Variants in NRG4 observed in about 807,000 individuals in gnomAD.
NRG4 encodes the protein pro-neuregulin-4, membrane-bound isoform.
In NRG4, 10 loss-of-function variants were observed where a neutral mutation model predicts 15.0. The observed-to-expected ratio is 0.67, with a 90% CI of 0.41 to 1.13. The LOEUF (loss-of-function observed/expected upper bound fraction) is 1.13. Among genes scored for constraint, NRG4 ranks in the 50% most tolerant of loss-of-function variants. The probability of loss-of-function intolerance (pLI) is 0.00; values close to 1 mark genes in which losing one functional copy is unlikely to be tolerated. For synonymous variants in NRG4, 41 were observed against 50.1 expected (o/e 0.82, Z 0.77); for missense variants, 139 against 140.2 (o/e 0.99, Z 0.04).
chr15:76,021,941 T>G (rs2035166854), intron 5 of NRG4, among the ~76,000 whole-genome samples: 1 of 152,246 alleles, frequency 6.6e-6, no homozygotes, highest in African/African-American at 2.4e-5. Flanking sequence ...GAAATTATTC[T>G]ACCTCAGGTC....
At chr15:75,962,562 C>T (rs1424576029) in intron 3 of NRG4, among the ~76,000 whole-genome samples, 2 of 152,200 alleles carry the variant, frequency 1.3e-5, no homozygotes, top group African/African-American at 4.8e-5. Context: ...TAGTTCTACT[C>T]TACTCCTTAT....
upstream of NRG4, among the ~76,000 whole-genome samples, chr15:76,015,997 G>A (rs1307696616): frequency 2.0e-5 from 3 of 152,128 alleles, no homozygotes; most frequent in Non-Finnish European, 4.4e-5. Flanking sequence ...TGGTTGGTAG[G>A]CTATTAATTA....
chr15:76,043,890 C>T (rs2141956720), intron 4 of NRG4, among the ~76,000 whole-genome samples: 1 of 152,368 alleles, frequency 6.6e-6, no homozygotes, highest in Admixed American at 6.5e-5. Flanking sequence ...TCAAATTACA[C>T]TACAGACCTA....
At chr15:76,033,927 T>G (rs2035537638) in intron 5 of NRG4, among the ~76,000 whole-genome samples, 1 of 152,214 alleles carries the variant, frequency 6.6e-6, no homozygotes, top group African/African-American at 2.4e-5. Context: ...CTTTTCTAAT[T>G]TTTATGGTGA....
At chr15:76,008,580 A>G (rs1210185319) in intron 3 of NRG4, among the ~76,000 whole-genome samples, 1 of 152,138 alleles carries the variant, frequency 6.6e-6, no homozygotes, top group Non-Finnish European at 1.5e-5. Flanking sequence ...TTTAAATCCT[A>G]TTCAACCAAA....
chr15:75,977,731 G>C lies in NRG4; in HGVS notation c.105-15757C>G, dbSNP rs2033430569. Among the ~76,000 whole-genome samples, 1 of 152,162 alleles carries C rather than the reference G, an allele frequency of 6.6e-6. No individual in the cohort carries two copies. The highest frequency in any genetic ancestry group is 2.4e-5 in the African/African-American group (1 of 41,448). The stretch of plus-strand genomic sequence containing the variant: ...CTGCCTTCTGCATTGGTCTCGCTGG[G>C]AGCTGCAGACCAGAGCTGTTCCTAT... On this transcript the variant is annotated intron_variant, in intron 3 of 5. Transcript: ENST00000394907. The surrounding 1 kb of genome is among the most constrained non-coding windows in gnomAD (Gnocchi z 4.9).
At chr15:75,974,729 C>T (rs1049006801) in intron 3 of NRG4, among the ~76,000 whole-genome samples, 1 of 151,178 alleles carries the variant, frequency 6.6e-6, no homozygotes, top group Non-Finnish European at 1.5e-5. Context: ...GAGACTGTTA[C>T]GATTTTCATT....
At chr15:75,935,555 G>C (rs193173720), downstream of NRG4, 19 of 150,964 alleles carry the variant, frequency 1.3e-4, no homozygotes, top group African/African-American at 4.4e-4. Context: ...TAAGGAAGAG[G>C]GAAAGTAAAC....
chr15:75,954,967 A>T (rs2032145805), intron 5 of NRG4, among the ~76,000 whole-genome samples: 1 of 152,088 alleles, frequency 6.6e-6, no homozygotes, highest in Non-Finnish European at 1.5e-5. Flanking sequence ...CCCCACTATC[A>T]GGCAAACACC....
intron 5 of NRG4, among the ~76,000 whole-genome samples, chr15:76,021,498 C>T (rs1190250394): frequency 6.6e-6 from 1 of 152,156 alleles, no homozygotes. Context: ...CAGTCTGAAA[C>T]CAAAACCTGC....
intron 4 of NRG4, among the ~76,000 whole-genome samples, chr15:76,042,088 C>G (rs772802464): frequency 5.3e-5 from 8 of 151,792 alleles, no homozygotes; most frequent in South Asian, 2.1e-4. Flanking sequence ...ACCAGTGGGT[C>G]AATGAAGAAA....
chr15:75,952,730 G>A (rs1419929465), intron 5 of NRG4, among the ~76,000 whole-genome samples: 2 of 151,758 alleles, frequency 1.3e-5, no homozygotes, highest in African/African-American at 4.8e-5. Context: ...TTTCATTGTG[G>A]TTTTGATCGT....
At chr15:76,032,316 TATTGTGTACAAAGCC>T (rs2035493323) in intron 5 of NRG4, among the ~76,000 whole-genome samples, 2 of 152,138 alleles carry the variant, frequency 1.3e-5, no homozygotes, top group African/African-American at 4.8e-5. Flanking sequence ...AATGGCAAAA[TATTGTGTACAAAGCC>T]ACCAAGAAAA....
chr15:76,014,583 C>A (rs1457981274), upstream of NRG4, among the ~76,000 whole-genome samples: 2 of 152,158 alleles, frequency 1.3e-5, no homozygotes, highest in African/African-American at 2.4e-5. Context: ...TTTCCCAACA[C>A]CATTTATTAA....
At position 76,039,288 on chromosome 15, in the gene NRG4, C is replaced by A. The variant is rs1040059607; in HGVS notation, c.-104-3297G>T. On this transcript the variant is annotated intron_variant, in intron 4 of 8. Transcript: ENST00000563910. ...GAACTAAATAAGGTGCGAGGCCAAT[C>A]CTGAAGAAACAGAAATACATGATCT... 4.4e-4 allele frequency among the ~76,000 whole-genome samples: 67 copies of A among 152,066 alleles called. 1 individual carries two copies. The highest frequency in any genetic ancestry group is 4.1e-3 in the Admixed American group (63 of 15,280).
At chr15:76,022,219 C>T (rs535441068) in intron 5 of NRG4, among the ~76,000 whole-genome samples, 9 of 152,110 alleles carry the variant, frequency 5.9e-5, no homozygotes, top group East Asian at 3.9e-4. Context: ...TTTCCATCCA[C>T]GTATCAATAA....
chr15:75,997,678 G>C (rs1208372750), intron 3 of NRG4, among the ~76,000 whole-genome samples: 1 of 152,194 alleles, frequency 6.6e-6, no homozygotes, highest in Non-Finnish European at 1.5e-5. Flanking sequence ...TACAATGAAA[G>C]TTTAATCCTT....
At chr15:76,031,334 TATCA>T (rs2035466701) in intron 5 of NRG4, among the ~76,000 whole-genome samples, 1 of 152,180 alleles carries the variant, frequency 6.6e-6, no homozygotes, top group South Asian at 2.1e-4. Context: ...TCACTATTTC[TATCA>T]CCACTATACT....
chr15:76,046,389 G>C (rs996050212), intron 4 of NRG4, among the ~76,000 whole-genome samples: 1 of 151,122 alleles, frequency 6.6e-6, no homozygotes, highest in Non-Finnish European at 1.5e-5. Flanking sequence ...ACCTGGAATA[G>C]ACAAAGCAAT....
Sources: gnomAD v4.1 joint callset for allele counts (sites outside exome capture counted in the v4.1 genomes callset) on GRCh38, gnomAD v4.1.1 for gene constraint, Gnocchi (gnomAD v3.1) non-coding constraint, MANE v1.5 for transcripts, NCBI Gene and HGNC (gene_info 2026-07-23, HGNC 2026-07-21) for gene names.